Variants in D2HGDH observed in about 807,000 individuals in gnomAD.
The protein encoded by D2HGDH is D-2-hydroxyglutarate dehydrogenase, mitochondrial.
In D2HGDH, 31 loss-of-function variants were observed where a neutral mutation model predicts 46.9. The ratio of observed to expected loss-of-function variants is 0.66; its 90% CI spans 0.50 to 0.89. D2HGDH has a LOEUF of 0.89. D2HGDH is among the 40% of genes least tolerant of loss of function. The pLI is 0.00. For synonymous variants in D2HGDH, 364 were observed against 332.6 expected (o/e 1.09, Z -1.03); for missense variants, 698 against 720.8 (o/e 0.97, Z 0.36).
At chr2:241,759,344 G>C (rs1419868630) in intron 9 of D2HGDH, among the ~76,000 whole-genome samples, 1 of 152,192 alleles carries the variant, frequency 6.6e-6, no homozygotes, top group Non-Finnish European at 1.5e-5. Context: ...GTGTTCTTAG[G>C]GGCATAGGAC....
At chr2:241,765,179 G>A (rs950381077) in intron 9 of D2HGDH, among the ~76,000 whole-genome samples, 18 of 152,230 alleles carry the variant, frequency 1.2e-4, no homozygotes, top group African/African-American at 4.3e-4. Flanking sequence ...ATACAGACTG[G>A]AAGACGGTCT....
rs542024970 is a variant in D2HGDH at position 241,743,918 on chromosome 2, G to A, written c.684+103G>A. 20 of 1,329,914 alleles carry A rather than the reference G, an allele frequency of 1.5e-5. No individual in the cohort carries two copies. In the East Asian group the frequency reaches 4.3e-4, roughly 29 times the overall value. The allele number at this position is 1,329,914 out of a possible 1,614,324, so 82.4% of individuals were successfully genotyped here. A position where few individuals can be genotyped will look rare whatever the true frequency, so the allele number is the denominator to read the frequency against. On this transcript the variant is annotated intron_variant, in intron 5 of 9. Coordinates refer to ENST00000321264, the MANE Select transcript of D2HGDH (RefSeq NM_152783.5). The surrounding 1 kb of genome is among the most constrained non-coding windows in gnomAD (Gnocchi z 4.8). ...ACAGGTGCATGGGGCCCCTCGGGGT[G>A]GGAGGTCTTGGTTCCTGGCCCTGGG...
At chr2:241,755,728 T>A (rs2125157451) in intron 8 of D2HGDH, 121 bp from the exon 9 acceptor site, 1 of 1,590,232 alleles carries the variant, frequency 6.3e-7, no homozygotes, top group East Asian at 2.8e-5. Context: ...CTGTCCGGGG[T>A]CGGAGCCTCA....
At chr2:241,752,522 G>A (rs775913761) in intron 8 of D2HGDH, among the ~76,000 whole-genome samples, 1 of 152,132 alleles carries the variant, frequency 6.6e-6, no homozygotes, top group African/African-American at 2.4e-5. Flanking sequence ...CGCGTTCCGT[G>A]TGGGTGATCG....
rs1336761738 is a variant in D2HGDH at position 241,744,844 on chromosome 2, C to T, written c.820C>T (p.Pro274Ser). Reference protein sequence around the residue: ...IITTVSILCPPKPRAVNVAFL... With the variant: ...IITTVSILCPSKPRAVNVAFL... Reference sequence around the variant, plus strand: ...CACCACGGTGTCCATCTTGTGTCCACCCAAGCCCAGGGCTGTGAACGTGGC... The same window carrying T: ...CACCACGGTGTCCATCTTGTGTCCATCCAAGCCCAGGGCTGTGAACGTGGC... The change falls in exon 6 of 10, where the codon CCC (proline) becomes TCC (serine). Residue 274 changes from proline (P) to serine (S), a missense_variant. Pro to Ser is a moderately conservative substitution (Grantham distance 74). Coordinates refer to ENST00000321264, the MANE Select transcript of D2HGDH (RefSeq NM_152783.5). 1.2e-6 allele frequency: 2 copies of T among 1,613,972 alleles called. No homozygotes were observed. Among genetic ancestry groups the T allele is most frequent in the Non-Finnish European group, 1.7e-6 (2 of 1,180,010 alleles).
intron 2 of D2HGDH, among the ~76,000 whole-genome samples, chr2:241,736,436 C>G (rs1452674920): frequency 6.6e-6 from 1 of 152,058 alleles, no homozygotes; most frequent in Non-Finnish European, 1.5e-5. Flanking sequence ...TGCGCTCCCT[C>G]CAAAGCCTCC....
chr2:241,763,657 A>G (rs2125174211), intron 9 of D2HGDH, among the ~76,000 whole-genome samples: 1 of 152,218 alleles, frequency 6.6e-6, no homozygotes, highest in East Asian at 1.9e-4. Context: ...TTTCAGCTCC[A>G]TTTTAATGTT....
intron 9 of D2HGDH, among the ~76,000 whole-genome samples, chr2:241,758,852 G>C (rs1246082996): frequency 6.7e-6 from 1 of 150,182 alleles, no homozygotes; most frequent in Non-Finnish European, 1.5e-5. Flanking sequence ...TGGCCGGACC[G>C]GTCTTGAACT....
At chr2:241,748,569 C>T (rs1369852702) in intron 6 of D2HGDH, among the ~76,000 whole-genome samples, 6 of 152,216 alleles carry the variant, frequency 3.9e-5, no homozygotes, top group Non-Finnish European at 5.9e-5. Context: ...CACTGGTGCC[C>T]CTCCCACCAT....
At chr2:241,741,431 C>T (rs556395271) in intron 3 of D2HGDH, among the ~76,000 whole-genome samples, 15 of 152,350 alleles carry the variant, frequency 9.8e-5, no homozygotes, top group African/African-American at 3.6e-4. Context: ...TTTGGGGCAA[C>T]GTGCACTTAC....
At chr2:241,760,766 C>G (rs572007271) in intron 9 of D2HGDH, among the ~76,000 whole-genome samples, 1 of 152,384 alleles carries the variant, frequency 6.6e-6, no homozygotes, top group African/African-American at 2.4e-5. Flanking sequence ...AGGATTCTGA[C>G]CCAGATGGAG....
intron 9 of D2HGDH, among the ~76,000 whole-genome samples, chr2:241,764,578 GTTC>G (rs1156934139): frequency 2.2e-4 from 34 of 152,392 alleles, no homozygotes; most frequent in African/African-American, 6.3e-4. Context: ...ACCTTTGTCG[GTTC>G]TGGTGGAGGG....
intron 2 of D2HGDH, 135 bp downstream of exon 2, chr2:241,735,651 A>G: frequency 8.2e-7 from 1 of 1,216,648 alleles, no homozygotes; most frequent in South Asian, 1.3e-5. Flanking sequence ...GGGCGTGTGC[A>G]CCGCCACAGG....
rs1157004860 is a variant in D2HGDH, at chr2:241,742,915, GGC to G, written c.490+343_490+344del. ...TGACCCAGGGCGCCAGGGCGTGGCA[GGC>G]GTGAGGGGATCCTGACCCAGGGCGC... On this transcript the variant is annotated intron_variant, in intron 4 of 9. Transcript: ENST00000321264. This position sits in a 1 kb window ranked among gnomAD's most constrained non-coding sequence, Gnocchi z 4.8. Among the ~76,000 whole-genome samples the G allele has an allele frequency of 7.3e-6, 1 of 137,862 alleles. No homozygotes were observed. Among genetic ancestry groups the G allele is most frequent in the Non-Finnish European group, 1.6e-5 (1 of 64,170 alleles). 90.4% of individuals were successfully genotyped at this position (137,862 alleles called of 152,430 possible).
chr2:241,751,472 G>A (rs1575287385), intron 8 of D2HGDH, 84 bp downstream of exon 8: 1 of 1,573,736 alleles, frequency 6.4e-7, no homozygotes, highest in Non-Finnish European at 8.6e-7. Context: ...GGTCATTGGT[G>A]CAGCCTAGAC....
At chr2:241,760,680 C>A (rs1008248133) in intron 9 of D2HGDH, among the ~76,000 whole-genome samples, 4 of 140,810 alleles carry the variant, frequency 2.8e-5, no homozygotes, top group South Asian at 2.3e-4. Flanking sequence ...CGAAGGACTT[C>A]GACACAGCGT....
intron 3 of D2HGDH, 149 bp downstream of exon 3, chr2:241,741,239 C>A: frequency 2.6e-6 from 2 of 771,150 alleles, no homozygotes; most frequent in Non-Finnish European, 4.5e-6. Flanking sequence ...TGTGGTTTTT[C>A]GGTGCTATCT....
chr2:241,750,402 CGGGTGGG>C, intron 7 of D2HGDH, 108 bp downstream of exon 7: 1 of 167,710 alleles, frequency 6.0e-6, no homozygotes, highest in Non-Finnish European at 1.1e-5. Context: ...CCCGGGCGGG[CGGGTGGG>C]GGGTCCCTGG....
chr2:241,755,642 G>T (rs758722629), intron 8 of D2HGDH: 215 of 1,536,824 alleles, frequency 1.4e-4, no homozygotes, highest in Non-Finnish European at 1.8e-4. Context: ...GGCATTCGCT[G>T]TCCTGGGTCA....
Sources: allele counts gnomAD v4.1 joint callset (sites outside exome capture counted in the v4.1 genomes callset), GRCh38; gene constraint gnomAD v4.1.1; non-coding constraint Gnocchi (gnomAD v3.1); transcripts MANE v1.5; gene names NCBI Gene and HGNC (gene_info 2026-07-23, HGNC 2026-07-21).